Variants in CDK15 observed in about 807,000 individuals in gnomAD.
The protein encoded by CDK15 is cyclin-dependent kinase 15.
A neutral mutation model predicts 60.3 loss-of-function variants in CDK15; 62 were observed. The ratio of observed to expected loss-of-function variants is 1.03; its 90% CI spans 0.84 to 1.27. The LOEUF (loss-of-function observed/expected upper bound fraction) is 1.27, where lower values mean the gene tolerates loss of function less well. Among genes scored for constraint, CDK15 ranks in the 50% most tolerant of loss-of-function variants. The probability of loss-of-function intolerance (pLI) is 0.00; values close to 1 mark genes in which losing one functional copy is unlikely to be tolerated. For missense variants in CDK15, 541 were observed against 527.8 expected, an observed-to-expected ratio of 1.03 and a Z score of -0.25; for synonymous variants, 194 against 195.7, an observed-to-expected ratio of 0.99 and a Z score of 0.07.
At chr2:201,855,110 A>T (rs1228848872) in intron 10 of CDK15, among the ~76,000 whole-genome samples, 173 bp downstream of exon 10, 1 of 152,216 alleles carries the variant, frequency 6.6e-6, no homozygotes, top group African/African-American at 2.4e-5. Flanking sequence ...ACACTGAAAG[A>T]GTAGCTGAGG....
chr2:201,869,244 C>T (rs1167274190), intron 10 of CDK15, among the ~76,000 whole-genome samples: 1 of 152,068 alleles, frequency 6.6e-6, no homozygotes, highest in Non-Finnish European at 1.5e-5. Context: ...ATGGATGCAG[C>T]TGGAAACCAT....
intron 8 of CDK15, 137 bp downstream of exon 8, chr2:201,835,900 T>A: frequency 1.3e-5 from 3 of 223,432 alleles, no homozygotes; most frequent in East Asian, 1.7e-4. Flanking sequence ...ATATATTTTA[T>A]ATATATTTAT....
intron 4 of CDK15, among the ~76,000 whole-genome samples, chr2:201,816,455 G>GTTTTTTTTTTTTTTTTTTTT: frequency 1.3e-5 from 1 of 79,854 alleles, no homozygotes; most frequent in African/African-American, 5.1e-5. Flanking sequence ...TAAGGAAATG[G>GTTTTTTTTTTTTTTTTTTTT]TTTTTTTTTT....
intron 12 of CDK15, chr2:201,889,020 G>A (rs1699554458): frequency 2.0e-6 from 2 of 985,318 alleles, no homozygotes; most frequent in South Asian, 9.4e-5. Flanking sequence ...CAAATGGTAT[G>A]ATGGCTCCCC....
intron 10 of CDK15, among the ~76,000 whole-genome samples, chr2:201,869,999 A>C (rs1485735519): frequency 3.3e-5 from 5 of 152,182 alleles, no homozygotes; most frequent in African/African-American, 7.2e-5. Context: ...TGTATAGACA[A>C]TTGCTTCTCT....
chr2:201,831,917 C>G (rs951870977), intron 6 of CDK15, among the ~76,000 whole-genome samples: 1 of 152,150 alleles, frequency 6.6e-6, no homozygotes, highest in Admixed American at 6.5e-5. Flanking sequence ...TACATTGAGC[C>G]CTGGTTTTCT....
chr2:201,837,259 G>T (rs1697133878), intron 8 of CDK15, among the ~76,000 whole-genome samples: 1 of 150,812 alleles, frequency 6.6e-6, no homozygotes, highest in Non-Finnish European at 1.5e-5. Flanking sequence ...CTGCAATCCA[G>T]CCTGGGTTAC....
chr2:201,806,751 G>A lies in CDK15; in HGVS notation c.87G>A (p.Arg29=), dbSNP rs1559110183. The A allele has an allele frequency of 1.3e-6, 2 of 1,598,536 alleles. No homozygotes were observed. The highest frequency in any genetic ancestry group is 1.1e-5 in the South Asian group (1 of 91,042). The change falls in exon 1 of 14, where the codon CGG becomes CGA. Residue 29 remains arginine (R), a synonymous_variant. Coordinates refer to ENST00000652192, the MANE Select transcript of CDK15 (RefSeq NM_001366386.2). ...CSEGGEAHSC[R]RSQPETTEAA... Reference sequence around the variant, plus strand: ...AGGGAGGCGAGGCACACAGCTGTCGGAGGAGTCAGCCTGAGACCACGGAGG... The same window carrying A: ...AGGGAGGCGAGGCACACAGCTGTCGAAGGAGTCAGCCTGAGACCACGGAGG...
At chr2:201,892,268 A>G (rs1474223637) in intron 13 of CDK15, among the ~76,000 whole-genome samples, 1 of 152,210 alleles carries the variant, frequency 6.6e-6, no homozygotes, top group African/African-American at 2.4e-5. Context: ...CCTGCTAGTT[A>G]TAAGGACAGA....
At chr2:201,825,312 CAAAAAAAA>C (rs200857853) in intron 6 of CDK15, among the ~76,000 whole-genome samples, 6 of 86,974 alleles carry the variant, frequency 6.9e-5, no homozygotes, top group African/African-American at 2.6e-4. Flanking sequence ...GACTCCAACT[CAAAAAAAA>C]AAAAAAAAAA....
chr2:201,813,272 CT>C (rs1235021617), intron 4 of CDK15, among the ~76,000 whole-genome samples: 1 of 152,144 alleles, frequency 6.6e-6, no homozygotes, highest in African/African-American at 2.4e-5. Flanking sequence ...TTCCATTCTT[CT>C]TTTCCTGGGT....
At chr2:201,886,381 A>C (rs772476397) in intron 12 of CDK15, among the ~76,000 whole-genome samples, 50 of 150,318 alleles carry the variant, frequency 3.3e-4, no homozygotes, top group Non-Finnish European at 6.0e-4. Context: ...GCTGGAGCGC[A>C]ATGGCATGAT....
chr2:201,857,380 C>T (rs1289238113), intron 10 of CDK15, among the ~76,000 whole-genome samples: 1 of 151,924 alleles, frequency 6.6e-6, no homozygotes, highest in Non-Finnish European at 1.5e-5. Flanking sequence ...GGCTCATCAT[C>T]CATTGTTTTT....
intron 8 of CDK15, among the ~76,000 whole-genome samples, chr2:201,843,033 C>G (rs1163871026): frequency 1.3e-5 from 2 of 152,046 alleles, no homozygotes; most frequent in African/African-American, 4.8e-5. Context: ...CCTATCTGGA[C>G]TTGAATGTTC....
At chr2:201,836,191 T>TTTA (rs1553524153) in intron 8 of CDK15, among the ~76,000 whole-genome samples, 1 of 106,970 alleles carries the variant, frequency 9.3e-6, no homozygotes, top group Non-Finnish European at 1.7e-5. Context: ...ATATATTTTT[T>TTTA]TATATATATA....
intron 4 of CDK15, among the ~76,000 whole-genome samples, chr2:201,815,700 G>C (rs1181810349): frequency 6.6e-6 from 1 of 152,136 alleles, no homozygotes; most frequent in Non-Finnish European, 1.5e-5. Flanking sequence ...TTTTGTTCAA[G>C]TGGTCAACTT....
intron 12 of CDK15, among the ~76,000 whole-genome samples, chr2:201,881,741 C>T (rs1699284857): frequency 6.6e-6 from 1 of 152,094 alleles, no homozygotes; most frequent in African/African-American, 2.4e-5. Context: ...GGTACCTCTG[C>T]CCCCACTTCA....
At chr2:201,835,303 G>A (rs867546646) in intron 7 of CDK15, among the ~76,000 whole-genome samples, 1 of 152,050 alleles carries the variant, frequency 6.6e-6, no homozygotes, top group Non-Finnish European at 1.5e-5. Flanking sequence ...GCTCATCACA[G>A]CCCAGAGGAG....
intron 4 of CDK15, among the ~76,000 whole-genome samples, chr2:201,813,813 C>T (rs904933568): frequency 1.3e-5 from 2 of 152,166 alleles, no homozygotes; most frequent in Non-Finnish European, 1.5e-5. Flanking sequence ...CTGAGGAATA[C>T]ATCATTTTGA....
Sources: allele counts gnomAD v4.1 joint callset (sites outside exome capture counted in the v4.1 genomes callset), GRCh38; gene constraint gnomAD v4.1.1; transcripts MANE v1.5; gene names NCBI Gene and HGNC (gene_info 2026-07-23, HGNC 2026-07-21).